Variants in TMEM132C observed in about 807,000 individuals in gnomAD.
TMEM132C encodes the protein protein phosphatase 1, regulatory subunit 152.
TMEM132C carries 29 observed loss-of-function variants against 61.4 expected under a neutral mutation model. That is an observed-to-expected ratio of 0.47 (90% CI 0.35 to 0.64). The LOEUF is 0.64. TMEM132C is among the 30% of genes least tolerant of loss of function. The pLI, the probability that TMEM132C is intolerant of heterozygous loss-of-function variation, is 0.00. For synonymous variants in TMEM132C, 656 were observed against 633.1 expected (o/e 1.04, Z -0.54); for missense variants, 1,408 against 1,476.9 (o/e 0.95, Z 0.76).
chr12:128,469,331 T>C (rs1293606516), intron 2 of TMEM132C, among the ~76,000 whole-genome samples: 2 of 72,292 alleles, frequency 2.8e-5, no homozygotes, highest in African/African-American at 9.2e-5. Context: ...TAAAGCATGC[T>C]TTTTTTTTTT....
At chr12:128,576,413 A>G (rs192848116) in intron 3 of TMEM132C, among the ~76,000 whole-genome samples, 16 of 152,284 alleles carry the variant, frequency 1.1e-4, no homozygotes, top group Admixed American at 9.8e-4. Context: ...CTTGAAGTTG[A>G]GTTATATATG....
chr12:128,420,634 A>G (rs1049575162), intron 2 of TMEM132C, among the ~76,000 whole-genome samples: 2 of 152,194 alleles, frequency 1.3e-5, no homozygotes, highest in Non-Finnish European at 2.9e-5. Flanking sequence ...GTGAGAGAAG[A>G]CAGGGACTTG....
intron 1 of TMEM132C, among the ~76,000 whole-genome samples, chr12:128,340,829 TTC>T (rs1406371958): frequency 2.2e-4 from 29 of 134,350 alleles, no homozygotes; most frequent in African/African-American, 3.4e-4. Context: ...CTTTCTGTCT[TTC>T]TCTCTCTCTC....
intron 3 of TMEM132C, among the ~76,000 whole-genome samples, chr12:128,575,217 T>C (rs115333086): frequency 0.02 from 3,102 of 152,332 alleles, 104 homozygotes; most frequent in African/African-American, 0.071. Context: ...TGGTGAGTCA[T>C]GCCTATAATC....
chr12:128,585,996 G>A (rs187518037), intron 3 of TMEM132C, among the ~76,000 whole-genome samples: 155 of 152,288 alleles, frequency 1.0e-3, no homozygotes, highest in African/African-American at 3.5e-3. Context: ...CAACATGAAT[G>A]TGCTTCATGC....
chr12:128,395,186 ATATT>A (rs1874905532), intron 1 of TMEM132C, among the ~76,000 whole-genome samples: 1 of 150,394 alleles, frequency 6.6e-6, no homozygotes, highest in South Asian at 2.1e-4. Flanking sequence ...ATACTAAATC[ATATT>A]TAATTAAATA....
intron 2 of TMEM132C, among the ~76,000 whole-genome samples, chr12:128,483,210 G>T (rs1184837794): frequency 7.1e-6 from 1 of 140,784 alleles, no homozygotes; most frequent in Non-Finnish European, 1.6e-5. Flanking sequence ...TGGGGTTGCA[G>T]TGAGCTGTGA....
intron 2 of TMEM132C, among the ~76,000 whole-genome samples, chr12:128,470,262 G>A (rs577955559): frequency 6.6e-6 from 1 of 152,126 alleles, no homozygotes; most frequent in Non-Finnish European, 1.5e-5. Flanking sequence ...ATCCTGTCTT[G>A]CTTATGATGG....
chr12:128,622,003 C>G (rs1953967480), intron 4 of TMEM132C, among the ~76,000 whole-genome samples: 1 of 152,060 alleles, frequency 6.6e-6, no homozygotes, highest in South Asian at 2.1e-4. Flanking sequence ...GCTGCACGCT[C>G]CCTCTAGACT....
chr12:128,506,094 C>T (rs901513767), intron 2 of TMEM132C, among the ~76,000 whole-genome samples: 1 of 152,202 alleles, frequency 6.6e-6, no homozygotes, highest in African/African-American at 2.4e-5. Flanking sequence ...ATGCAGCCAG[C>T]AGCCCCACTC....
intron 2 of TMEM132C, among the ~76,000 whole-genome samples, chr12:128,473,383 C>G (rs796434189): frequency 1.9e-5 from 1 of 52,892 alleles, no homozygotes; most frequent in Admixed American, 2.2e-4. Context: ...CATCTTCACT[C>G]GAGCCTCCAT....
intron 3 of TMEM132C, among the ~76,000 whole-genome samples, chr12:128,603,748 G>A (rs953007735): frequency 3.3e-5 from 5 of 152,162 alleles, no homozygotes; most frequent in Admixed American, 6.5e-5. Context: ...AAGAAGCTCA[G>A]TTAGTCACCA....
intron 1 of TMEM132C, among the ~76,000 whole-genome samples, chr12:128,309,908 G>C (rs924030841): frequency 6.6e-6 from 1 of 151,844 alleles, no homozygotes; most frequent in African/African-American, 2.4e-5. Flanking sequence ...GCTAATTTTT[G>C]TATTTTTAGT....
At chr12:128,624,413 G>A (rs1303025817) in intron 4 of TMEM132C, among the ~76,000 whole-genome samples, 5 of 151,956 alleles carry the variant, frequency 3.3e-5, no homozygotes, top group Non-Finnish European at 7.4e-5. Context: ...ACGTGGTGGC[G>A]GGGGCCTGTA....
intron 2 of TMEM132C, among the ~76,000 whole-genome samples, chr12:128,528,317 T>A (rs901505679): frequency 2.6e-5 from 4 of 152,334 alleles, no homozygotes; most frequent in Middle Eastern, 3.4e-3. Flanking sequence ...CTCCTCCTGA[T>A]GGTTTATTCT....
intron 3 of TMEM132C, among the ~76,000 whole-genome samples, chr12:128,566,014 C>T (rs113149683): frequency 0.045 from 6,794 of 152,038 alleles, 476 homozygotes; most frequent in African/African-American, 0.15. Context: ...CTCAGCCTTC[C>T]GAGTAGCTGG....
At chr12:128,554,800 C>G (rs999583817) in intron 3 of TMEM132C, among the ~76,000 whole-genome samples, 2 of 151,982 alleles carry the variant, frequency 1.3e-5, no homozygotes, top group Non-Finnish European at 2.9e-5. Flanking sequence ...GCTATAAACA[C>G]GCATCTGAGC....
At chr12:128,655,783 C>T (rs1403066145) in intron 4 of TMEM132C, among the ~76,000 whole-genome samples, 1 of 152,058 alleles carries the variant, frequency 6.6e-6, no homozygotes, top group East Asian at 1.9e-4. Context: ...AGGGACTTGA[C>T]TTCTCATGGG....
intron 1 of TMEM132C, among the ~76,000 whole-genome samples, chr12:128,272,043 G>C (rs56125745): frequency 6.6e-6 from 1 of 152,084 alleles, no homozygotes; most frequent in Non-Finnish European, 1.5e-5. Context: ...TTATTAAAGT[G>C]TAATTTGCAC....
Sources: allele counts gnomAD v4.1 joint callset (sites outside exome capture counted in the v4.1 genomes callset), GRCh38; gene constraint gnomAD v4.1.1; transcripts MANE v1.5; gene names NCBI Gene and HGNC (gene_info 2026-07-23, HGNC 2026-07-21).